PRR5L: variants seen among roughly 807,000 people sequenced by gnomAD.
The protein encoded by PRR5L is proline rich 5 like.
PRR5L carries 21 observed loss-of-function variants against 36.4 expected under a neutral mutation model. The observed-to-expected ratio is 0.58, with a 90% confidence interval of 0.41 to 0.83. PRR5L has a LOEUF of 0.83. Among genes scored for constraint, PRR5L ranks in the 40% least tolerant of loss-of-function variants. The pLI is 0.00. For synonymous variants in PRR5L, 188 were observed against 197.0 expected (o/e 0.95, Z 0.38); for missense variants, 381 against 473.3 (o/e 0.80, Z 1.81).
intron 3 of PRR5L, among the ~76,000 whole-genome samples, chr11:36,408,391 A>G (rs1052295171): frequency 6.7e-6 from 1 of 149,226 alleles, no homozygotes; most frequent in South Asian, 2.1e-4. Context: ...ATAAATCAGA[A>G]TATTTCCCAT....
chr11:36,347,703 C>T (rs1020784523), intron 1 of PRR5L, among the ~76,000 whole-genome samples: 1 of 151,726 alleles, frequency 6.6e-6, no homozygotes, highest in African/African-American at 2.4e-5. Flanking sequence ...AGGCTGTGCC[C>T]TGAACCACTG....
chr11:36,312,637 C>T (rs911598148), intron 1 of PRR5L, among the ~76,000 whole-genome samples: 3 of 152,356 alleles, frequency 2.0e-5, no homozygotes, highest in South Asian at 2.1e-4. Flanking sequence ...TTACTAAACA[C>T]GTGGGACTAG....
chr11:36,339,942 T>C (rs898971947), intron 1 of PRR5L, among the ~76,000 whole-genome samples: 4 of 152,206 alleles, frequency 2.6e-5, no homozygotes, highest in Non-Finnish European at 5.9e-5. Flanking sequence ...TCCCTCTTTC[T>C]GTGTTTTGCC....
chr11:36,349,076 G>T (rs1374650991), intron 1 of PRR5L, among the ~76,000 whole-genome samples: 1 of 152,000 alleles, frequency 6.6e-6, no homozygotes, highest in Non-Finnish European at 1.5e-5. Context: ...CTTGAGGCCG[G>T]GAGTTCAAGA....
chr11:36,350,998 A>ATATATATTTATATATTTATATATT lies in PRR5L; in HGVS notation c.-125-49985_-125-49984insTTTATATATTTATATATTTATATA, dbSNP rs1156369402. On this transcript the variant is annotated intron_variant, in intron 1 of 8. Transcript: ENST00000530639. Reference sequence around the variant, plus strand: ...TATATATTTATATATTTATATATTTATATATATTTATATAGTTATATATTT... The same window carrying ATATATATTTATATATTTATATATT: ...TATATATTTATATATTTATATATTTATATATATTTATATATTTATATATTTATATATTTATATAGTTATATATTT... 4.0e-3 allele frequency among the ~76,000 whole-genome samples: 207 copies of ATATATATTTATATATTTATATATT among 51,754 alleles called. 36 individuals carry two copies. Among genetic ancestry groups the ATATATATTTATATATTTATATATT allele is most frequent in the African/African-American group, 6.7e-3 (54 of 8,002 alleles). The allele number at this position is 51,754 out of a possible 152,430, so 34.0% of individuals were successfully genotyped here.
At chr11:36,314,869 T>A (rs1310145239) in intron 1 of PRR5L, among the ~76,000 whole-genome samples, 1 of 152,186 alleles carries the variant, frequency 6.6e-6, no homozygotes, top group Non-Finnish European at 1.5e-5. Flanking sequence ...CCTCTCTGAG[T>A]CTCAGGTCAC....
At chr11:36,352,541 T>A (rs899871470) in intron 1 of PRR5L, among the ~76,000 whole-genome samples, 2 of 152,152 alleles carry the variant, frequency 1.3e-5, no homozygotes, top group African/African-American at 2.4e-5. Context: ...AGATGAAAAG[T>A]TGAGCCCAGG....
chr11:36,328,945 G>T (rs80350722), intron 1 of PRR5L, among the ~76,000 whole-genome samples: 14,814 of 152,176 alleles, frequency 0.097, 1,313 homozygotes, highest in African/African-American at 0.24. Flanking sequence ...CCTGGGAAAG[G>T]TTACACGTTT....
intron 1 of PRR5L, among the ~76,000 whole-genome samples, chr11:36,340,949 T>C (rs1856811046): frequency 1.3e-5 from 2 of 152,138 alleles, no homozygotes; most frequent in African/African-American, 4.8e-5. Context: ...TTCTTCTATC[T>C]CTCATGGAAC....
chr11:36,455,570 G>A (rs1472595387), intron 8 of PRR5L: 1 of 152,692 alleles, frequency 6.5e-6, no homozygotes, highest in Non-Finnish European at 1.5e-5. Context: ...CCCGCTAAAA[G>A]GGCACCACTG....
intron 1 of PRR5L, chr11:36,379,553 A>C (rs1006465407): frequency 2.0e-5 from 3 of 152,258 alleles, no homozygotes; most frequent in Non-Finnish European, 4.4e-5. Flanking sequence ...TTTGTTAACA[A>C]GTCAGTGTGA....
At chr11:36,364,298 C>A (rs1176377230) in intron 1 of PRR5L, among the ~76,000 whole-genome samples, 1 of 152,190 alleles carries the variant, frequency 6.6e-6, no homozygotes, top group Non-Finnish European at 1.5e-5. Context: ...AACTATCCAA[C>A]TGTGAATGGG....
chr11:36,365,010 A>G (rs537722301), intron 1 of PRR5L, among the ~76,000 whole-genome samples: 104 of 152,344 alleles, frequency 6.8e-4, no homozygotes, highest in African/African-American at 2.3e-3. Flanking sequence ...CATCACAGGC[A>G]GGCTGTAAGG....
chr11:36,319,550 A>G (rs141306108), intron 1 of PRR5L, among the ~76,000 whole-genome samples: 158 of 152,346 alleles, frequency 1.0e-3, no homozygotes, highest in African/African-American at 3.5e-3. Context: ...TACAAAAGCC[A>G]TGGGTGATAC....
chr11:36,361,040 G>A (rs1857081207), intron 1 of PRR5L, among the ~76,000 whole-genome samples: 1 of 152,196 alleles, frequency 6.6e-6, no homozygotes, highest in South Asian at 2.1e-4. Flanking sequence ...ACAAGAAACA[G>A]CACTTTCACT....
At chr11:36,435,913 A>C (rs1858595938) in intron 5 of PRR5L, among the ~76,000 whole-genome samples, 1 of 152,214 alleles carries the variant, frequency 6.6e-6, no homozygotes, top group Non-Finnish European at 1.5e-5. Context: ...CATGCTAAGC[A>C]CTATGATGAG....
intron 6 of PRR5L, among the ~76,000 whole-genome samples, chr11:36,442,812 G>T (rs1398795443): frequency 6.6e-6 from 1 of 152,060 alleles, no homozygotes; most frequent in Non-Finnish European, 1.5e-5. Flanking sequence ...CCTCAGCCTG[G>T]CCTTTGCTGT....
At position 36,377,266 on chromosome 11, in the gene PRR5L, G is replaced by T. The variant is rs1021819208; in HGVS notation, c.-125-23731G>T. Among the ~76,000 whole-genome samples the T allele has an allele frequency of 1.3e-5, 2 of 152,208 alleles. No homozygotes were observed. The highest frequency in any genetic ancestry group is 4.8e-5 in the African/African-American group (2 of 41,464). On this transcript the variant is annotated intron_variant, in intron 1 of 8. Transcript: ENST00000530639. This position sits in a 1 kb window ranked among gnomAD's most constrained non-coding sequence, Gnocchi z 5.1. ...CTGCACGCGCGCGCTCTGCGGACTA[G>T]GGTGGGCCAGGGCCCAGCCAGTGGG...
chr11:36,376,025 G>C (rs1417754114), intron 1 of PRR5L: 8 of 549,096 alleles, frequency 1.5e-5, no homozygotes, highest in Middle Eastern at 3.3e-4. Flanking sequence ...GGCCGGGGGC[G>C]GGGGTCGGCT....
Sources: allele counts gnomAD v4.1 joint callset (sites outside exome capture counted in the v4.1 genomes callset), GRCh38; gene constraint gnomAD v4.1.1; non-coding constraint Gnocchi (gnomAD v3.1); transcripts MANE v1.5; gene names NCBI Gene and HGNC (gene_info 2026-07-23, HGNC 2026-07-21).